ZDHHC14: variants seen among roughly 807,000 people sequenced by gnomAD.
ZDHHC14 encodes zDHHC palmitoyltransferase 14, also known as palmitoyltransferase ZDHHC14.
A neutral mutation model predicts 47.7 loss-of-function variants in ZDHHC14; 16 were observed. That is an observed-to-expected ratio of 0.34 (90% CI 0.23 to 0.51). The LOEUF (loss-of-function observed/expected upper bound fraction) is 0.51. Among genes scored for constraint, ZDHHC14 ranks in the 20% least tolerant of loss-of-function variants. The pLI, the probability that ZDHHC14 is intolerant of heterozygous loss-of-function variation, is 0.97. For synonymous variants in ZDHHC14, 293 were observed against 278.9 expected (o/e 1.05, Z -0.50); for missense variants, 515 against 662.5 (o/e 0.78, Z 2.44).
chr6:157,552,748 G>T (rs79577759), intron 2 of ZDHHC14, among the ~76,000 whole-genome samples: 1 of 152,256 alleles, frequency 6.6e-6, no homozygotes, highest in African/African-American at 2.4e-5. Flanking sequence ...GGCCTTCCCT[G>T]CAGAGCCTCT....
intron 4 of ZDHHC14, 52 bp downstream of exon 4, chr6:157,628,538 G>A (rs1562516689): frequency 6.4e-7 from 1 of 1,573,460 alleles, no homozygotes; most frequent in South Asian, 1.2e-5. Flanking sequence ...GCCTGACTTT[G>A]ATTTTCCTAT....
intron 2 of ZDHHC14, among the ~76,000 whole-genome samples, chr6:157,579,150 G>A (rs1783415228): frequency 7.2e-6 from 1 of 138,078 alleles, no homozygotes; most frequent in African/African-American, 2.7e-5. Flanking sequence ...TCTGTAAATT[G>A]CTTTTGGCAC....
chr6:157,514,538 A>G (rs1332859295), intron 1 of ZDHHC14, among the ~76,000 whole-genome samples: 2 of 152,374 alleles, frequency 1.3e-5, no homozygotes, highest in South Asian at 2.1e-4. Flanking sequence ...TTGGATTGGA[A>G]GAAGTCCCTG....
intron 3 of ZDHHC14, among the ~76,000 whole-genome samples, chr6:157,614,767 G>GA (rs1554273779): frequency 1.4e-5 from 2 of 141,480 alleles, no homozygotes; most frequent in Non-Finnish European, 3.0e-5. Flanking sequence ...AACTCTTCAT[G>GA]TTTTTTTTTT....
At chr6:157,517,321 C>CT (rs34872988) in intron 1 of ZDHHC14, among the ~76,000 whole-genome samples, 8,094 of 145,964 alleles carry the variant, frequency 0.055, 536 homozygotes, top group Admixed American at 0.16. Flanking sequence ...TATAGTATCT[C>CT]TTTTTTTTTT....
chr6:157,388,155 C>T (rs563537699), intron 1 of ZDHHC14, among the ~76,000 whole-genome samples: 19 of 152,298 alleles, frequency 1.2e-4, no homozygotes, highest in Admixed American at 2.0e-4. Flanking sequence ...TTGAATGTTA[C>T]CTAACAACCA....
rs1329205210 is a variant in ZDHHC14, at chr6:157,677,237, A to AT, written c.*4118dup. On this transcript the variant is annotated 3_prime_UTR_variant, in exon 9 of 9. Coordinates refer to ENST00000359775, the MANE Select transcript of ZDHHC14 (RefSeq NM_024630.3). ...TGTATGCTATTTTCCAAGGTACCTC[A>AT]TTTAAAAAAAAAAAAAAAAAAAAAC... 8 of 131,072 alleles carry AT rather than the reference A, an allele frequency of 6.1e-5. No homozygotes were observed. Among genetic ancestry groups the AT allele is most frequent in the Non-Finnish European group, 9.7e-5 (6 of 61,580 alleles). The allele number at this position is 131,072 out of a possible 1,614,324, so 8.1% of individuals were successfully genotyped here.
chr6:157,580,107 AT>A (rs1783459434), intron 2 of ZDHHC14, among the ~76,000 whole-genome samples: 2 of 152,180 alleles, frequency 1.3e-5, no homozygotes, highest in Non-Finnish European at 2.9e-5. Context: ...GAGATGTTGA[AT>A]TTTATTCACA....
chr6:157,428,205 G>T (rs1256133000), intron 1 of ZDHHC14, among the ~76,000 whole-genome samples: 1 of 152,164 alleles, frequency 6.6e-6, no homozygotes, highest in Admixed American at 6.5e-5. Context: ...ATGGGTGGCA[G>T]CAACACAGTA....
chr6:157,415,523 G>T (rs1301677228), intron 1 of ZDHHC14, among the ~76,000 whole-genome samples: 2 of 152,198 alleles, frequency 1.3e-5, no homozygotes, highest in Non-Finnish European at 2.9e-5. Context: ...GAACTTGTCA[G>T]AAATAAGATG....
At chr6:157,500,499 A>G (rs1298466987) in intron 1 of ZDHHC14, among the ~76,000 whole-genome samples, 1 of 152,232 alleles carries the variant, frequency 6.6e-6, no homozygotes, top group Non-Finnish European at 1.5e-5. Context: ...AGCTATCATA[A>G]GATTTCAGTT....
intron 1 of ZDHHC14, among the ~76,000 whole-genome samples, chr6:157,391,696 G>A (rs141073691): frequency 0.017 from 2,562 of 152,256 alleles, 25 homozygotes; most frequent in African/African-American, 0.021. Context: ...GGAAGGAAGC[G>A]GCTATTGGCC....
intron 8 of ZDHHC14, among the ~76,000 whole-genome samples, chr6:157,656,502 T>A (rs777609257): frequency 6.6e-6 from 1 of 151,954 alleles, no homozygotes; most frequent in Non-Finnish European, 1.5e-5. Context: ...ACCCAGCTAA[T>A]TTTTGTATTT....
At chr6:157,618,749 C>T (rs1785066902) in intron 3 of ZDHHC14, among the ~76,000 whole-genome samples, 1 of 152,098 alleles carries the variant, frequency 6.6e-6, no homozygotes, top group South Asian at 2.1e-4. Context: ...GGTGGGGGAA[C>T]TCAATCCTTC....
Position 157,672,970 on chromosome 6 carries a change from C to G in ZDHHC14, c.1315C>G (p.Leu439Val), listed in dbSNP as rs1468533370. ...RKDEHMGHQF[L>V]TPDEAPSPPR... ...AGATGAGCACATGGGCCACCAGTTC[C>G]TGACGCCCGATGAGGCGCCCTCGCC... Residue 439 changes from leucine to valine, a missense_variant, in exon 9 of 9, where the codon CTG becomes GTG. Around this residue, in one of 4 missense-constraint regions of ZDHHC14, gnomAD observed 221 missense variants for 233.6 expected, o/e 0.95. Transcript: ENST00000359775. 1.9e-6 allele frequency: 3 copies of G among 1,598,150 alleles called. No individual in the cohort carries two copies. The highest frequency in any genetic ancestry group is 1.7e-6 in the Non-Finnish European group (2 of 1,175,658).
chr6:157,596,552 T>A (rs1469777382), intron 3 of ZDHHC14, among the ~76,000 whole-genome samples: 1 of 152,182 alleles, frequency 6.6e-6, no homozygotes, highest in Non-Finnish European at 1.5e-5. Flanking sequence ...GAGCTTTCTC[T>A]GGTCAAATAT....
At chr6:157,626,889 C>CT (rs1785447842) in intron 3 of ZDHHC14, among the ~76,000 whole-genome samples, 3 of 88,302 alleles carry the variant, frequency 3.4e-5, no homozygotes, top group South Asian at 4.4e-4. Context: ...GCTTTTCCAG[C>CT]TGGGGGGGGG....
Position 157,502,796 on chromosome 6 carries a change from T to G in ZDHHC14, c.246-39789T>G, listed in dbSNP as rs1489362867. On this transcript the variant is annotated intron_variant, in intron 1 of 8. Transcript: ENST00000359775. This position sits in a 1 kb window ranked among gnomAD's most constrained non-coding sequence, Gnocchi z 4.0. ...ACCTCCGCCTCCCAGGTTCAAGCGA[T>G]TCTCCTGGCTCAGCCTCTCAAGTAG... 6.6e-6 allele frequency among the ~76,000 whole-genome samples: 1 copy of G among 152,174 alleles called. No individual in the cohort carries two copies. Among genetic ancestry groups the G allele is most frequent in the Non-Finnish European group, 1.5e-5 (1 of 68,034 alleles).
At chr6:157,629,840 T>C (rs1785598679) in intron 4 of ZDHHC14, 1 of 152,196 alleles carries the variant, frequency 6.6e-6, no homozygotes, top group South Asian at 2.1e-4. Context: ...GCTAGGGTCC[T>C]ATCTGTGCAT....
Sources: allele counts gnomAD v4.1 joint callset (sites outside exome capture counted in the v4.1 genomes callset), GRCh38; gene constraint gnomAD v4.1.1; regional missense constraint gnomAD v4.1.1; non-coding constraint Gnocchi (gnomAD v3.1); transcripts MANE v1.5; gene names NCBI Gene and HGNC (gene_info 2026-07-23, HGNC 2026-07-21).